The following EGLN2 variants were observed in gnomAD, a reference collection of about 807,000 sequenced individuals.
EGLN2 encodes egl-9 family hypoxia inducible factor 2.
A neutral mutation model predicts 38.2 loss-of-function variants in EGLN2; 15 were observed. The ratio of observed to expected loss-of-function variants is 0.39; its 90% CI spans 0.26 to 0.60. The LOEUF is 0.60. Ranked by LOEUF, EGLN2 falls within the 20% of genes least tolerant of loss-of-function variation. The pLI is 0.50. For missense variants in EGLN2, 492 were observed against 570.4 expected, an observed-to-expected ratio of 0.86 and a Z score of 1.40; for synonymous variants, 284 against 237.4, an observed-to-expected ratio of 1.20 and a Z score of -1.81.
At chr19:40,801,459 C>T (rs752081242) in intron 2 of EGLN2, 44 bp downstream of exon 2, 3 of 1,572,584 alleles carry the variant, frequency 1.9e-6, no homozygotes, top group African/African-American at 1.3e-5. Context: ...TTGCAGCACC[C>T]TGGTTTGCAG....
chr19:40,808,180 C>CA lies in EGLN2; in HGVS notation c.*317dup, dbSNP rs1187640493. 17 of 476,350 alleles carry CA rather than the reference C, an allele frequency of 3.6e-5. No individual in the cohort carries two copies. In the East Asian group the frequency reaches 3.9e-4, roughly 11 times the overall value. The allele number at this position is 476,350 out of a possible 1,614,324, so 29.5% of individuals were successfully genotyped here. On this transcript the variant is annotated 3_prime_UTR_variant, in exon 6 of 6. Coordinates refer to ENST00000303961, the MANE Select transcript of EGLN2 (RefSeq NM_080732.4). Reference sequence around the variant, plus strand: ...ATGGAGAGCTGGGAGGAGGCATTGTCACTTCCCACCAGGATGCAGGACTTG... The same window carrying CA: ...ATGGAGAGCTGGGAGGAGGCATTGTCAACTTCCCACCAGGATGCAGGACTTG...
chr19:40,806,209 T>G, intron 2 of EGLN2: 1 of 260,448 alleles, frequency 3.8e-6, no homozygotes, highest in Non-Finnish European at 7.7e-6. Context: ...CCTGAAAATG[T>G]TTAAATTGGT....
chr19:40,807,246 C>G lies in EGLN2; in HGVS notation c.1072C>G (p.His358Asp). 1 of 1,614,186 alleles carries G rather than the reference C, an allele frequency of 6.2e-7. No individual in the cohort carries two copies. The highest frequency in any genetic ancestry group is 8.5e-7 in the Non-Finnish European group (1 of 1,180,010). The change falls in exon 4 of 6, where the codon CAC (histidine) becomes GAC (aspartate). Residue 358 changes from histidine (H) to aspartate (D), a missense_variant. By Grantham distance (81) the His-to-Asp change is moderately conservative. Transcript: ENST00000303961. ...TTTCTGGTCTGACCGGCGGAACCCC[C>G]ACGAGGTGAAGCCAGCCTATGCCAC... ...LIFWSDRRNP[H>D]EVKPAYATRY...
chr19:40,805,572 C>T (rs979431690), intron 2 of EGLN2: 1 of 152,240 alleles, frequency 6.6e-6, no homozygotes, highest in African/African-American at 2.4e-5. Context: ...AGACTTGAAC[C>T]AGGGAATTGT....
chr19:40,808,271 C>T lies in EGLN2; in HGVS notation c.*407C>T. ...GGAGGAGTACCCCCAAGTCCTCTCA[C>T]TCCTCCAGCCTGGAATGTGAAGTGA... On this transcript the variant is annotated 3_prime_UTR_variant, in exon 6 of 6. Coordinates refer to ENST00000303961, the MANE Select transcript of EGLN2 (RefSeq NM_080732.4). The T allele has an allele frequency of 2.4e-6, 1 of 416,278 alleles. No homozygotes were observed. The highest frequency in any genetic ancestry group is 9.3e-5 in the South Asian group (1 of 10,740). The allele number at this position is 416,278 out of a possible 1,614,324, so 25.8% of individuals were successfully genotyped here.
At position 40,807,938 on chromosome 19, in the gene EGLN2, C is replaced by G. The variant is rs1279879549; in HGVS notation, c.*74C>G. ...AGCCCTGGGCCTGTGCTGGCTGCTC[C>G]TTCCCTGCCACCGCTGCTGCTTCTG... On this transcript the variant is annotated 3_prime_UTR_variant, in exon 6 of 6. Coordinates refer to ENST00000303961, the MANE Select transcript of EGLN2 (RefSeq NM_080732.4). 2.1e-6 allele frequency: 3 copies of G among 1,434,606 alleles called. No individual in the cohort carries two copies. Among genetic ancestry groups the G allele is most frequent in the Non-Finnish European group, 1.9e-6 (2 of 1,028,400 alleles). The allele number at this position is 1,434,606 out of a possible 1,614,324, so 88.9% of individuals were successfully genotyped here.
At position 40,807,825 on chromosome 19, in the gene EGLN2, T is replaced by G. The variant is rs764574945; in HGVS notation, c.1185T>G (p.Gly395=). Residue 395 remains glycine (G), a synonymous_variant, in exon 6 of 6, where the codon GGT becomes GGG. Transcript: ENST00000303961. ...CACCCCCAGCATCAGGACAGAAAGGTGTCCAAGTACCTGTATCACAGCCGC... is the reference window on the plus strand; with the variant it reads ...CACCCCCAGCATCAGGACAGAAAGGGGTCCAAGTACCTGTATCACAGCCGC... ...DKYQLASGQK[G]VQVPVSQPPT... is the part of the protein sequence containing the mutation. 6.2e-7 allele frequency: 1 copy of G among 1,614,098 alleles called. No homozygotes were observed. Among genetic ancestry groups the G allele is most frequent in the South Asian group, 1.1e-5 (1 of 91,068 alleles).
At chr19:40,801,552 A>G in intron 2 of EGLN2, 137 bp downstream of exon 2, 1 of 1,238,082 alleles carries the variant, frequency 8.1e-7, no homozygotes, top group Non-Finnish European at 1.1e-6. Context: ...TGGAGTGGGT[A>G]TGCTTACTTG....
In EGLN2 at chr19:40,800,841, C is replaced by A. The variant is rs746648993; in HGVS notation, c.269C>A (p.Pro90Gln). The part of the protein sequence containing the change: ...FGGQDGGELR[P>Q]LQSEGAAALV... ...GGGCAGGATGGTGGTGAGCTGCGGC[C>A]GCTGCAGAGTGAAGGCGCTGCAGCG... The change falls in exon 2 of 6, where the codon CCG becomes CAG. Residue 90 changes from proline (P) to glutamine (Q), a missense_variant. By Grantham distance (76) the Pro-to-Gln change is moderately conservative. Coordinates refer to ENST00000303961, the MANE Select transcript of EGLN2 (RefSeq NM_080732.4). 2.5e-6 allele frequency: 4 copies of A among 1,612,896 alleles called. No individual in the cohort carries two copies. The highest frequency in any genetic ancestry group is 1.7e-6 in the Non-Finnish European group (2 of 1,179,838).
In EGLN2 at chr19:40,800,954, G is replaced by A. The variant is rs926643907; in HGVS notation, c.382G>A (p.Ala128Thr). ...GAAATGGGCCGAGGATGGTGGGGATGCCCCTTCACCCAGCAAACGGCCCTG... is the reference window on the plus strand; with the variant it reads ...GAAATGGGCCGAGGATGGTGGGGATACCCCTTCACCCAGCAAACGGCCCTG... ...KRKWAEDGGD[A>T]PSPSKRPWAR... Residue 128 changes from alanine to threonine, a missense_variant, in exon 2 of 6, where the codon GCC becomes ACC. By Grantham distance (58) the Ala-to-Thr change is moderately conservative. Around this residue, in one of 2 missense-constraint regions of EGLN2, gnomAD observed 378 missense variants for 386.2 expected, o/e 0.98. Transcript: ENST00000303961. 10 of 1,610,992 alleles carry A rather than the reference G, an allele frequency of 6.2e-6. No individual in the cohort carries two copies. Among genetic ancestry groups the A allele is most frequent in the Middle Eastern group, 1.7e-4 (1 of 6,056 alleles).
chr19:40,806,703 C>T (rs1326150612), intron 3 of EGLN2, 29 bp downstream of exon 3: 62 of 1,608,128 alleles, frequency 3.9e-5, no homozygotes, highest in Non-Finnish European at 5.1e-5. Context: ...GTGAGGGTGG[C>T]GCTGGGGCTA....
rs1228507199 is a variant in EGLN2, at chr19:40,801,376, A to G, written c.804A>G (p.Ala268=). The stretch of plus-strand genomic sequence containing the variant: ...TGGACGCCGTCATCCGCCACTGCGC[A>G]GGGCGGCTGGGCAGCTATGTCATCA... ...AHVDAVIRHC[A]GRLGSYVING... Residue 268 remains alanine, a synonymous_variant, in exon 2 of 6, where the codon GCA becomes GCG. Transcript: ENST00000303961. The G allele has an allele frequency of 3.1e-6, 5 of 1,609,552 alleles. No individual in the cohort carries two copies. Among genetic ancestry groups the G allele is most frequent in the Middle Eastern group, 1.7e-4 (1 of 6,056 alleles).
intron 2 of EGLN2, 145 bp from the exon 3 acceptor site, chr19:40,806,410 T>C (rs535224232): frequency 9.0e-5 from 129 of 1,440,834 alleles, no homozygotes; most frequent in Non-Finnish European, 1.1e-4. Context: ...AGAAAGTCTT[T>C]TGGGGCAGGA....
intron 3 of EGLN2, 68 bp from the exon 4 acceptor site, chr19:40,807,070 C>A: frequency 6.3e-7 from 1 of 1,598,108 alleles, no homozygotes. Flanking sequence ...TAGTGGGCTC[C>A]CGGGGCACCG....
chr19:40,806,316 G>C, intron 2 of EGLN2: 1 of 645,228 alleles, frequency 1.5e-6, no homozygotes, highest in Non-Finnish European at 2.5e-6. Flanking sequence ...CAGGCCCCAG[G>C]TATGTGTGTT....
intron 2 of EGLN2, among the ~76,000 whole-genome samples, chr19:40,802,205 C>G (rs2545764): frequency 6.6e-6 from 1 of 152,140 alleles, no homozygotes; most frequent in African/African-American, 2.4e-5. Flanking sequence ...GAGCCCTGGG[C>G]TGAGGGAAGG....
intron 2 of EGLN2, 30 bp downstream of exon 2, chr19:40,801,445 GGCTTTGCAGCACCCT>G: frequency 6.3e-7 from 1 of 1,584,382 alleles, no homozygotes; most frequent in African/African-American, 1.3e-5. Context: ...TCTTTGGAGG[GGCTTTGCAGCACCCT>G]GGTTTGCAGC....
chr19:40,802,648 G>A (rs2083270961), intron 2 of EGLN2, among the ~76,000 whole-genome samples: 3 of 152,232 alleles, frequency 2.0e-5, no homozygotes, highest in African/African-American at 7.2e-5. Context: ...GGAACCTGGG[G>A]TCAGGAGCCC....
At position 40,806,316 on chromosome 19, in the gene EGLN2, G is replaced by A. The variant is rs200143908; in HGVS notation, c.844-239G>A. ...GCCCTAGCTGGGTGCCAGGCCCCAG[G>A]TATGTGTGTTGGGAGGGAGTGGGCT... On this transcript the variant is annotated intron_variant, in intron 2 of 5. Transcript: ENST00000303961. 37 of 645,110 alleles carry A rather than the reference G, an allele frequency of 5.7e-5. No homozygotes were observed. The East Asian group carries it at 1.1e-3, about 19-fold the overall frequency. The allele number at this position is 645,110 out of a possible 1,614,324, so 40.0% of individuals were successfully genotyped here.
Sources: allele counts gnomAD v4.1 joint callset (sites outside exome capture counted in the v4.1 genomes callset), GRCh38; gene constraint gnomAD v4.1.1; regional missense constraint gnomAD v4.1.1; transcripts MANE v1.5; gene names NCBI Gene and HGNC (gene_info 2026-07-23, HGNC 2026-07-21).